Variants in NTM observed in about 807,000 individuals in gnomAD.
NTM encodes IgLON family member 2.
NTM carries 13 observed loss-of-function variants against 42.1 expected under a neutral mutation model. That is an observed-to-expected ratio of 0.31 (90% confidence interval 0.20 to 0.49). The LOEUF is 0.49. NTM is among the 20% of genes least tolerant of loss of function. The probability of loss-of-function intolerance (pLI) is 0.99; values close to 1 mark genes in which losing one functional copy is unlikely to be tolerated. For synonymous variants in NTM, 187 were observed against 179.2 expected, an observed-to-expected ratio of 1.04 and a Z score of -0.35; for missense variants, 373 against 452.8, an observed-to-expected ratio of 0.82 and a Z score of 1.60.
At chr11:131,444,500 G>T (rs79316017) in intron 1 of NTM, among the ~76,000 whole-genome samples, 13,917 of 152,152 alleles carry the variant, frequency 0.091, 696 homozygotes, top group Non-Finnish European at 0.11. Context: ...CTAGAGAGTT[G>T]GGGCTTGAGA....
intron 2 of NTM, among the ~76,000 whole-genome samples, chr11:132,124,134 G>T (rs2065279397): frequency 6.6e-6 from 1 of 152,168 alleles, no homozygotes; most frequent in South Asian, 2.1e-4. Context: ...ACACTCCAGT[G>T]ATCAATAAAC....
chr11:131,422,500 G>T (rs565213936), intron 1 of NTM, among the ~76,000 whole-genome samples: 1 of 152,100 alleles, frequency 6.6e-6, no homozygotes, highest in South Asian at 2.1e-4. Flanking sequence ...AATCAGAAGC[G>T]GCAAAGTCCT....
At chr11:132,325,848 T>C (rs1003985748) in intron 7 of NTM, among the ~76,000 whole-genome samples, 4 of 152,150 alleles carry the variant, frequency 2.6e-5, no homozygotes, top group Non-Finnish European at 5.9e-5. Flanking sequence ...TAAAAAATGA[T>C]GAGTTCATGT....
chr11:131,910,882 C>A (rs551693127), intron 1 of NTM: 16 of 985,362 alleles, frequency 1.6e-5, no homozygotes, highest in East Asian at 1.1e-4. Flanking sequence ...GGATCCCGGG[C>A]CCGGATCGCA....
intron 1 of NTM, among the ~76,000 whole-genome samples, chr11:131,608,856 T>C (rs927146504): frequency 5.3e-5 from 8 of 152,222 alleles, no homozygotes; most frequent in South Asian, 4.1e-4. Flanking sequence ...CTGGATTCAA[T>C]GGTGTCCTAC....
At chr11:131,661,385 T>A (rs1189220245) in intron 1 of NTM, among the ~76,000 whole-genome samples, 1 of 152,080 alleles carries the variant, frequency 6.6e-6, no homozygotes, top group Admixed American at 6.5e-5. Flanking sequence ...GGAAGGAAAA[T>A]CAAGAACAAG....
At chr11:132,263,086 A>G (rs1217383955) in intron 4 of NTM, among the ~76,000 whole-genome samples, 2 of 152,216 alleles carry the variant, frequency 1.3e-5, no homozygotes, top group African/African-American at 2.4e-5. Context: ...CTCTTTTGCT[A>G]CAGGAATATA....
chr11:131,904,868 T>C (rs559264184), intron 1 of NTM, among the ~76,000 whole-genome samples: 3 of 152,172 alleles, frequency 2.0e-5, no homozygotes, highest in Non-Finnish European at 4.4e-5. Context: ...GCCACGGCTC[T>C]TCCTGCTGTG....
In NTM at chr11:131,544,490, C is replaced by A. The variant is rs1235741045; in HGVS notation, c.82+173602C>A. ...ATCCTTTATTCCCCATTTGGCTAAG[C>A]CTTTACTCATCCTCTATCCCTAGAT... On this transcript the variant is annotated intron_variant, in intron 1 of 8. Transcript: ENST00000683400. Among the ~76,000 whole-genome samples, 6 of 152,212 alleles carry A rather than the reference C, an allele frequency of 3.9e-5. No homozygotes were observed. The East Asian group carries it at 9.7e-4, about 25-fold the overall frequency.
At chr11:131,582,515 G>A (rs2058497151) in intron 1 of NTM, 1 of 151,904 alleles carries the variant, frequency 6.6e-6, no homozygotes, top group Admixed American at 6.6e-5. Flanking sequence ...TTAAATCCAA[G>A]ACTTACCACT....
intron 1 of NTM, among the ~76,000 whole-genome samples, chr11:131,862,510 A>G (rs2046747765): frequency 6.6e-6 from 1 of 152,198 alleles, no homozygotes. Context: ...TTGAGAATGA[A>G]CACAATTGCC....
At chr11:132,309,999 T>G in intron 5 of NTM, 113 bp from the exon 6 acceptor site, 1 of 1,315,248 alleles carries the variant, frequency 7.6e-7, no homozygotes. Context: ...GAACGTGCAG[T>G]GAGCCAAGAT....
intron 1 of NTM, among the ~76,000 whole-genome samples, chr11:131,532,448 T>C (rs2051429255): frequency 6.6e-6 from 1 of 152,238 alleles, no homozygotes; most frequent in South Asian, 2.1e-4. Flanking sequence ...ATATATCACA[T>C]TGTGATCACC....
intron 1 of NTM, among the ~76,000 whole-genome samples, chr11:131,886,549 G>A (rs758556639): frequency 1.3e-5 from 2 of 152,252 alleles, no homozygotes; most frequent in Non-Finnish European, 2.9e-5. Context: ...TCTGAGGCAC[G>A]CCTCTTGTGT....
chr11:131,765,769 C>T (rs909562507), intron 1 of NTM, among the ~76,000 whole-genome samples: 5 of 152,174 alleles, frequency 3.3e-5, no homozygotes, highest in Non-Finnish European at 5.9e-5. Flanking sequence ...AACATTTGCT[C>T]ATGTCAATCT....
chr11:131,649,532 G>A (rs2066198897), intron 1 of NTM, among the ~76,000 whole-genome samples: 1 of 152,100 alleles, frequency 6.6e-6, no homozygotes, highest in South Asian at 2.1e-4. Context: ...ACTGAAATAA[G>A]CCATAAAACT....
At chr11:132,140,722 T>G (rs2137239100) in intron 2 of NTM, among the ~76,000 whole-genome samples, 1 of 152,302 alleles carries the variant, frequency 6.6e-6, no homozygotes, top group East Asian at 1.9e-4. Flanking sequence ...AGAGAACACT[T>G]TCTCACAAGC....
In NTM at chr11:131,732,542, G is replaced by A. The variant is rs1565479628; in HGVS notation, c.83-179022G>A. Among the ~76,000 whole-genome samples the A allele has an allele frequency of 3.3e-5, 5 of 152,176 alleles. 1 individual carries two copies. In the South Asian group the frequency reaches 8.3e-4, roughly 25 times the overall value. The stretch of plus-strand genomic sequence containing the variant: ...AGATTTCAGAAGGGGAAATTGGAAG[G>A]CAATTTACCAATTGTTATTTTGATG... On this transcript the variant is annotated intron_variant, in intron 1 of 8. Transcript: ENST00000683400.
intron 8 of NTM, among the ~76,000 whole-genome samples, chr11:132,331,012 C>T (rs867768072): frequency 4.3e-4 from 66 of 152,352 alleles, no homozygotes; most frequent in African/African-American, 1.5e-3. Context: ...ACATAGCATT[C>T]ATTCATTCAG....
Sources: allele counts gnomAD v4.1 joint callset (sites outside exome capture counted in the v4.1 genomes callset), GRCh38; gene constraint gnomAD v4.1.1; transcripts MANE v1.5; gene names NCBI Gene and HGNC (gene_info 2026-07-23, HGNC 2026-07-21).